Variants in ZMIZ1 observed in about 807,000 individuals in gnomAD.
The protein encoded by ZMIZ1 is zinc finger MIZ domain-containing protein 1.
Under a neutral mutation model 113.9 loss-of-function variants are expected in ZMIZ1, and 17 were observed. The observed-to-expected ratio is 0.15, with a 90% CI of 0.10 to 0.22. The LOEUF is 0.22. Among genes scored for constraint, ZMIZ1 ranks in the 10% least tolerant of loss-of-function variants. The pLI is 1.00. For missense variants in ZMIZ1, 1,059 were observed against 1,477.8 expected, an observed-to-expected ratio of 0.72 and a Z score of 4.65; for synonymous variants, 607 against 603.1, an observed-to-expected ratio of 1.01 and a Z score of -0.09.
At chr10:79,186,084 T>C (rs568828559) in intron 4 of ZMIZ1, among the ~76,000 whole-genome samples, 2 of 152,218 alleles carry the variant, frequency 1.3e-5, no homozygotes, top group Admixed American at 1.3e-4. Flanking sequence ...GAGGGCACTG[T>C]AGAGGAGGGA....
intron 7 of ZMIZ1, among the ~76,000 whole-genome samples, chr10:79,243,000 G>A (rs1480962650): frequency 6.6e-6 from 1 of 151,116 alleles, no homozygotes; most frequent in Admixed American, 6.6e-5. Flanking sequence ...GGGGGGCGGG[G>A]TGCGGACGGC....
intron 4 of ZMIZ1, among the ~76,000 whole-genome samples, chr10:79,163,561 G>T (rs769195701): frequency 8.9e-4 from 135 of 152,368 alleles, no homozygotes; most frequent in Non-Finnish European, 1.7e-3. Flanking sequence ...AATCCCACGG[G>T]GAGGTTTGTC....
At chr10:79,168,805 T>C (rs1846476238) in intron 4 of ZMIZ1, among the ~76,000 whole-genome samples, 2 of 152,190 alleles carry the variant, frequency 1.3e-5, no homozygotes, top group Non-Finnish European at 2.9e-5. Flanking sequence ...GACCTCAGTG[T>C]GACCCCCACA....
chr10:79,236,234 C>A (rs576325907), intron 7 of ZMIZ1, among the ~76,000 whole-genome samples: 1 of 152,180 alleles, frequency 6.6e-6, no homozygotes, highest in African/African-American at 2.4e-5. Flanking sequence ...CACTTTCTTC[C>A]GCTGCAAAGT....
At chr10:79,082,203 G>A (rs373958323) in intron 1 of ZMIZ1, among the ~76,000 whole-genome samples, 1 of 152,172 alleles carries the variant, frequency 6.6e-6, no homozygotes, top group African/African-American at 2.4e-5. Flanking sequence ...AGAAACACTC[G>A]TCCTGGGGGC....
At chr10:79,283,182 A>G (rs998669553) in intron 8 of ZMIZ1, among the ~76,000 whole-genome samples, 1 of 152,198 alleles carries the variant, frequency 6.6e-6, no homozygotes, top group African/African-American at 2.4e-5. Flanking sequence ...TCCTTCTTAT[A>G]GGTGCGGGAT....
intron 1 of ZMIZ1, among the ~76,000 whole-genome samples, chr10:79,106,262 C>A (rs914910962): frequency 2.0e-5 from 3 of 152,246 alleles, no homozygotes; most frequent in African/African-American, 7.2e-5. Flanking sequence ...CCAGATGTGG[C>A]TGAACCCAGC....
At chr10:79,125,898 CTG>C (rs969560564) in intron 2 of ZMIZ1, among the ~76,000 whole-genome samples, 2 of 152,304 alleles carry the variant, frequency 1.3e-5, no homozygotes, top group African/African-American at 4.8e-5. Context: ...CCACACTAAA[CTG>C]TGTAGGCTAC....
chr10:79,291,588 G>T (rs2132030702), intron 10 of ZMIZ1, among the ~76,000 whole-genome samples: 1 of 152,372 alleles, frequency 6.6e-6, no homozygotes, highest in Admixed American at 6.5e-5. Context: ...TTGCTGATTG[G>T]TGAAAGCAGA....
At position 79,299,183 on chromosome 10, in the gene ZMIZ1, G is replaced by C; in HGVS notation, c.1800G>C (p.Leu600=). The change falls in exon 16 of 25, where the codon CTG becomes CTC. Residue 600 remains leucine, a synonymous_variant. Coordinates refer to ENST00000334512, the MANE Select transcript of ZMIZ1 (RefSeq NM_020338.4). ...FHLRPTVHQT[L]MWRSDLELQF... The stretch of plus-strand genomic sequence containing the variant: ...TGCGGCCCACGGTCCACCAGACGCT[G>C]ATGTGGAGGTGCGTGTCAGGGCAGG... 1 of 1,605,202 alleles carries C rather than the reference G, an allele frequency of 6.2e-7. No individual in the cohort carries two copies. The highest frequency in any genetic ancestry group is 8.5e-7 in the Non-Finnish European group (1 of 1,179,026).
chr10:79,299,224 G>C, intron 16 of ZMIZ1, 33 bp downstream of exon 16: 6 of 1,578,992 alleles, frequency 3.8e-6, no homozygotes, highest in Non-Finnish European at 5.1e-6. Flanking sequence ...CAGCCCAGGC[G>C]GGATGAAGGA....
rs115651679 is a variant in ZMIZ1 at position 79,270,550 on chromosome 10, A to G, written c.281-6631A>G. On this transcript the variant is annotated intron_variant, in intron 7 of 24. Transcript: ENST00000334512. ...AATGCGCCGCCGATCATACTATGGC[A>G]CAGCGCCACTGGAGGACACGTGTTG... Among the ~76,000 whole-genome samples the G allele has an allele frequency of 5.5e-3, 845 of 152,334 alleles. 6 individuals are homozygous for G. Among genetic ancestry groups the G allele is most frequent in the African/African-American group, 0.019 (805 of 41,570 alleles).
chr10:79,264,749 T>C (rs955715645), intron 7 of ZMIZ1, among the ~76,000 whole-genome samples: 4 of 152,146 alleles, frequency 2.6e-5, no homozygotes, highest in African/African-American at 7.2e-5. Flanking sequence ...GCACAGTACA[T>C]GGTGACAGCT....
intron 7 of ZMIZ1, among the ~76,000 whole-genome samples, chr10:79,268,213 G>T (rs562768226): frequency 3.3e-5 from 5 of 152,218 alleles, no homozygotes; most frequent in Admixed American, 3.3e-4. Flanking sequence ...TGGCCCCCAC[G>T]CTGTATGAAC....
Position 79,098,828 on chromosome 10 carries a change from G to A in ZMIZ1, c.-336-20087G>A, listed in dbSNP as rs1261070051. Among the ~76,000 whole-genome samples, 7 of 152,210 alleles carry A rather than the reference G, an allele frequency of 4.6e-5. 1 individual carries two copies. The highest frequency in any genetic ancestry group is 4.6e-4 in the Admixed American group (7 of 15,286). On this transcript the variant is annotated intron_variant, in intron 1 of 24. Transcript: ENST00000334512. ...CACCCTACCGAGGACAGGCCTGTGA[G>A]GTCACCGTCATTAGCAAGGAGATTG...
chr10:79,152,169 T>C (rs1845740955), intron 3 of ZMIZ1, among the ~76,000 whole-genome samples: 1 of 152,190 alleles, frequency 6.6e-6, no homozygotes, highest in Non-Finnish European at 1.5e-5. Flanking sequence ...CCAAGGGATT[T>C]CAGCCATGGC....
intron 4 of ZMIZ1, among the ~76,000 whole-genome samples, chr10:79,163,941 A>G (rs1846213626): frequency 6.6e-6 from 1 of 152,212 alleles, no homozygotes; most frequent in South Asian, 2.1e-4. Context: ...TTTCAAGGTA[A>G]TTCATTCCTT....
intron 8 of ZMIZ1, among the ~76,000 whole-genome samples, chr10:79,280,824 C>G (rs1242175599): frequency 1.3e-5 from 2 of 152,160 alleles, no homozygotes; most frequent in African/African-American, 2.4e-5. Context: ...TCTGTGTACC[C>G]TTTGCTAAAA....
intron 4 of ZMIZ1, among the ~76,000 whole-genome samples, chr10:79,191,816 G>A (rs151207231): frequency 3.7e-4 from 56 of 152,352 alleles, no homozygotes; most frequent in African/African-American, 1.3e-3. Context: ...CCTCTCAGAG[G>A]CTCAGTTTCT....
Sources: gnomAD v4.1 joint callset for allele counts (sites outside exome capture counted in the v4.1 genomes callset) on GRCh38, gnomAD v4.1.1 for gene constraint, MANE v1.5 for transcripts, NCBI Gene and HGNC (gene_info 2026-07-23, HGNC 2026-07-21) for gene names.